MTBP: variants seen among roughly 807,000 people sequenced by gnomAD.
MTBP encodes the protein mdm2-binding protein.
Under a neutral mutation model 117.0 loss-of-function variants are expected in MTBP, and 101 were observed. The observed-to-expected ratio is 0.86, with a 90% CI of 0.73 to 1.02. The LOEUF (loss-of-function observed/expected upper bound fraction) is 1.02, where lower values mean the gene tolerates loss of function less well. MTBP is among the 50% of genes least tolerant of loss of function. The pLI, the probability that MTBP is intolerant of heterozygous loss-of-function variation, is 0.00. For missense variants in MTBP, 970 were observed against 1,030.9 expected (o/e 0.94, Z 0.81); for synonymous variants, 350 against 351.5 (o/e 1.00, Z 0.05).
chr8:120,472,760 C>T (rs1020248171), intron 11 of MTBP: 13 of 152,100 alleles, frequency 8.5e-5, no homozygotes, highest in African/African-American at 2.2e-4. Flanking sequence ...TGTTACATTC[C>T]GTTATTTAGA....
At position 120,523,557 on chromosome 8, in the gene MTBP, A is replaced by G. The variant is rs1815038890; in HGVS notation, c.*221A>G. Reference sequence around the variant, plus strand: ...GATACATATTTTGTAAAGTGTTACTATATTTTAAAGTTATTTTTATATGTT... The same window carrying G: ...GATACATATTTTGTAAAGTGTTACTGTATTTTAAAGTTATTTTTATATGTT... On this transcript the variant is annotated 3_prime_UTR_variant, in exon 22 of 22. Coordinates refer to ENST00000305949, the MANE Select transcript of MTBP (RefSeq NM_022045.5). 3.8e-6 allele frequency: 1 copy of G among 264,630 alleles called. No individual in the cohort carries two copies. Among genetic ancestry groups the G allele is most frequent in the Admixed American group, 5.3e-5 (1 of 18,838 alleles). The allele number at this position is 264,630 out of a possible 1,614,324, so 16.4% of individuals were successfully genotyped here.
In MTBP at chr8:120,506,865, G is replaced by T; in HGVS notation, c.1883+4G>T. The stretch of plus-strand genomic sequence containing the variant: ...AACCTTTACCGATTCAAAAGGGGTA[G>T]GTTATAAACTTATAATTTCCAGTTA... On this transcript the variant is annotated splice_donor_region_variant and intron_variant, in intron 16 of 21. Coordinates refer to ENST00000305949, the MANE Select transcript of MTBP (RefSeq NM_022045.5). 1 of 1,569,340 alleles carries T rather than the reference G, an allele frequency of 6.4e-7. No homozygotes were observed.
At chr8:120,487,036 T>A (rs901232588) in intron 11 of MTBP, among the ~76,000 whole-genome samples, 1 of 152,182 alleles carries the variant, frequency 6.6e-6, no homozygotes, top group African/African-American at 2.4e-5. Context: ...TAGATAACTT[T>A]TTAAAGTGGT....
Position 120,518,029 on chromosome 8 carries a change from G to C in MTBP, c.2425G>C (p.Gly809Arg). Residue 809 changes from glycine (G) to arginine (R), a missense_variant, in exon 19 of 22, where the codon GGT (glycine) becomes CGT (arginine). Transcript: ENST00000305949. Reference sequence around the variant, plus strand: ...AAAACTTGCTACAAAGACCAGTTCAGGTCAAAAAAGTATGCATGAATCAAA... The same window carrying C: ...AAAACTTGCTACAAAGACCAGTTCACGTCAAAAAAGTATGCATGAATCAAA... The part of the protein sequence containing the change: ...TPKLATKTSS[G>R]QKSMHESKTS... 1.2e-6 allele frequency: 2 copies of C among 1,612,596 alleles called. No homozygotes were observed. The highest frequency in any genetic ancestry group is 1.1e-5 in the South Asian group (1 of 91,016).
At chr8:120,453,171 C>T (rs1052123619) in intron 4 of MTBP, among the ~76,000 whole-genome samples, 4 of 152,070 alleles carry the variant, frequency 2.6e-5, no homozygotes, top group Admixed American at 1.3e-4. Context: ...AGAAAAATGG[C>T]TGGGTGCAGT....
At chr8:120,481,892 G>T (rs757997720) in intron 11 of MTBP, among the ~76,000 whole-genome samples, 1 of 152,060 alleles carries the variant, frequency 6.6e-6, no homozygotes, top group Non-Finnish European at 1.5e-5. Flanking sequence ...CTAGTTTAAT[G>T]ATTCTTAACA....
At chr8:120,474,089 T>C (rs1171001986) in intron 11 of MTBP, 1 of 152,066 alleles carries the variant, frequency 6.6e-6, no homozygotes, top group African/African-American at 2.4e-5. Context: ...ATTTTAAGAA[T>C]ATATCATGTG....
At chr8:120,456,491 T>C (rs1813469697) in intron 6 of MTBP, 62 bp from the exon 7 acceptor site, 1 of 1,054,366 alleles carries the variant, frequency 9.5e-7, no homozygotes, top group Non-Finnish European at 1.4e-6. Context: ...TAGTTAACTA[T>C]AATGATTAAA....
At chr8:120,486,545 T>A (rs79337436) in intron 11 of MTBP, among the ~76,000 whole-genome samples, 2,891 of 152,280 alleles carry the variant, frequency 0.019, 92 homozygotes, top group African/African-American at 0.067. Flanking sequence ...AGGAAGTCCC[T>A]GAATTCTCAT....
At chr8:120,494,527 G>T (rs2130590474) in intron 13 of MTBP, among the ~76,000 whole-genome samples, 1 of 152,208 alleles carries the variant, frequency 6.6e-6, no homozygotes, top group Admixed American at 6.5e-5. Flanking sequence ...CTTCCAGGTG[G>T]ACCCCTATAC....
chr8:120,497,891 G>A (rs1362703317), intron 14 of MTBP, among the ~76,000 whole-genome samples: 2 of 152,150 alleles, frequency 1.3e-5, no homozygotes, highest in Admixed American at 1.3e-4. Flanking sequence ...TCCATAAAGT[G>A]TGGAAAGCAA....
rs1174054289 is a variant in MTBP, at chr8:120,488,211, A to G, written c.1218A>G (p.Gln406=). 1.3e-6 allele frequency: 2 copies of G among 1,595,482 alleles called. No homozygotes were observed. The highest frequency in any genetic ancestry group is 2.3e-5 in the East Asian group (1 of 43,530). ...GECSSYYLLL[Q]GNGNRRCKAT... is the part of the protein sequence containing the mutation. ...GTTCTAGCTATTATCTCTTGTTACAAGGTAATGGCAATAGAAGATGTAAAG... is the reference window on the plus strand; with the variant it reads ...GTTCTAGCTATTATCTCTTGTTACAGGGTAATGGCAATAGAAGATGTAAAG... Residue 406 remains glutamine, a synonymous_variant, in exon 12 of 22, where the codon CAA becomes CAG. Transcript: ENST00000305949.
At chr8:120,477,407 C>T (rs1363051125) in intron 11 of MTBP, among the ~76,000 whole-genome samples, 2 of 152,150 alleles carry the variant, frequency 1.3e-5, no homozygotes, top group Non-Finnish European at 2.9e-5. Context: ...CTAATAGGAT[C>T]TAATTAAACT....
chr8:120,479,345 T>C (rs915028487), intron 11 of MTBP, among the ~76,000 whole-genome samples: 3 of 152,166 alleles, frequency 2.0e-5, no homozygotes, highest in East Asian at 3.8e-4. Context: ...TCTATAAATT[T>C]CATCTTGAGA....
chr8:120,488,334 T>C lies in MTBP; in HGVS notation c.1339+2T>C. ...CAAAGACAGAAGAAGCCAAATTGAGTAAGTGTTAACTTCAGGTAGAAAAAC... is the reference window on the plus strand; with the variant it reads ...CAAAGACAGAAGAAGCCAAATTGAGCAAGTGTTAACTTCAGGTAGAAAAAC... On this transcript the variant is annotated splice_donor_variant, in intron 12 of 21. Coordinates refer to ENST00000305949, the MANE Select transcript of MTBP (RefSeq NM_022045.5). LOFTEE classifies it high-confidence loss of function. The C allele has an allele frequency of 6.5e-7, 1 of 1,535,168 alleles. No homozygotes were observed.
intron 17 of MTBP, among the ~76,000 whole-genome samples, chr8:120,514,346 C>G (rs1385839097): frequency 6.6e-6 from 1 of 151,942 alleles, no homozygotes; most frequent in Non-Finnish European, 1.5e-5. Context: ...ACTTTGTACC[C>G]TTTAATCTAC....
intron 8 of MTBP, among the ~76,000 whole-genome samples, chr8:120,459,763 G>A (rs1470849824): frequency 6.6e-6 from 1 of 152,096 alleles, no homozygotes; most frequent in Non-Finnish European, 1.5e-5. Flanking sequence ...TTTGTGAAGT[G>A]GAGGCAATAG....
At chr8:120,486,654 G>C (rs1485904654) in intron 11 of MTBP, among the ~76,000 whole-genome samples, 1 of 152,104 alleles carries the variant, frequency 6.6e-6, no homozygotes, top group Non-Finnish European at 1.5e-5. Flanking sequence ...CCCTTTATTG[G>C]AAGCCGAGGG....
rs1276995624 is a variant in MTBP, at chr8:120,488,155, T to G, written c.1166-4T>G. The G allele has an allele frequency of 1.9e-6, 3 of 1,580,308 alleles. No homozygotes were observed. The highest frequency in any genetic ancestry group is 8.6e-7 in the Non-Finnish European group (1 of 1,168,044). On this transcript the variant is annotated splice_polypyrimidine_tract_variant and splice_region_variant and intron_variant, in intron 11 of 21. Coordinates refer to ENST00000305949, the MANE Select transcript of MTBP (RefSeq NM_022045.5). Reference sequence around the variant, plus strand: ...TACTTAACAAGATAATTGTTTTTGTTTAGTTCCAGATGTTGAAGTGAAAGG... The same window carrying G: ...TACTTAACAAGATAATTGTTTTTGTGTAGTTCCAGATGTTGAAGTGAAAGG...
Sources: allele counts gnomAD v4.1 joint callset (sites outside exome capture counted in the v4.1 genomes callset), GRCh38; gene constraint gnomAD v4.1.1; transcripts MANE v1.5; gene names NCBI Gene and HGNC (gene_info 2026-07-23, HGNC 2026-07-21).